Variants in DYRK1A observed in about 807,000 individuals in gnomAD.
DYRK1A encodes dual specificity tyrosine phosphorylation regulated kinase 1A.
DYRK1A carries 9 observed loss-of-function variants against 79.7 expected under a neutral mutation model. That is an observed-to-expected ratio of 0.11 (90% CI 0.07 to 0.20). The LOEUF (loss-of-function observed/expected upper bound fraction) is 0.20, where lower values mean the gene tolerates loss of function less well. Among genes scored for constraint, DYRK1A ranks in the 10% least tolerant of loss-of-function variants. The pLI, the probability that DYRK1A is intolerant of heterozygous loss-of-function variation, is 1.00. For missense variants in DYRK1A, 622 were observed against 956.0 expected, an observed-to-expected ratio of 0.65 and a Z score of 4.61; for synonymous variants, 349 against 329.7, an observed-to-expected ratio of 1.06 and a Z score of -0.63.
In DYRK1A at chr21:37,518,278, A is replaced by G. The variant is rs1411666040; in HGVS notation, c.*5747A>G. The G allele has an allele frequency of 1.3e-5, 2 of 152,236 alleles. No individual in the cohort carries two copies. The highest frequency in any genetic ancestry group is 1.3e-4 in the Admixed American group (2 of 15,284). 9.4% of individuals were successfully genotyped at this position (152,236 alleles called of 1,614,324 possible). A position where few individuals can be genotyped will look rare whatever the true frequency, so the allele number is the denominator to read the frequency against. On this transcript the variant is annotated 3_prime_UTR_variant, in exon 12 of 12. Transcript: ENST00000647188. ...CTTGTTCTGCTGAAGAGGTGATGCCACGAGGTGGGGAGGAGCTCACTTCAG... is the reference window on the plus strand; with the variant it reads ...CTTGTTCTGCTGAAGAGGTGATGCCGCGAGGTGGGGAGGAGCTCACTTCAG...
chr21:37,468,407 T>C (rs1054801516), intron 2 of DYRK1A, among the ~76,000 whole-genome samples: 6 of 152,186 alleles, frequency 3.9e-5, no homozygotes, highest in African/African-American at 1.2e-4. Flanking sequence ...GCGCCTGGCC[T>C]GCCAAAACAT....
intron 2 of DYRK1A, among the ~76,000 whole-genome samples, chr21:37,462,402 G>A (rs1459860660): frequency 6.6e-6 from 1 of 152,188 alleles, no homozygotes; most frequent in Admixed American, 6.5e-5. Flanking sequence ...TGTAGGGCTG[G>A]ATTAGCCCTA....
At chr21:37,458,360 A>C (rs959762514) in intron 2 of DYRK1A, among the ~76,000 whole-genome samples, 1 of 151,076 alleles carries the variant, frequency 6.6e-6, no homozygotes, top group South Asian at 2.1e-4. Flanking sequence ...GTATTTCACT[A>C]TCTTTTTGAT....
chr21:37,397,536 A>T (rs1204414896), intron 1 of DYRK1A, among the ~76,000 whole-genome samples: 1 of 152,120 alleles, frequency 6.6e-6, no homozygotes, highest in Non-Finnish European at 1.5e-5. Flanking sequence ...GTCACAAGGG[A>T]CATCTCTTTT....
At chr21:37,369,466 CCTGGT>C (rs2049386379) in intron 1 of DYRK1A, among the ~76,000 whole-genome samples, 1 of 152,104 alleles carries the variant, frequency 6.6e-6, no homozygotes, top group African/African-American at 2.4e-5. Context: ...GAGGATTTTC[CCTGGT>C]ATAGCAGTGG....
intron 4 of DYRK1A, among the ~76,000 whole-genome samples, chr21:37,480,212 A>G (rs2052587575): frequency 6.6e-6 from 1 of 152,168 alleles, no homozygotes; most frequent in African/African-American, 2.4e-5. Flanking sequence ...TATCCCAAAT[A>G]TAAAGTTGGG....
intron 2 of DYRK1A, among the ~76,000 whole-genome samples, chr21:37,439,407 C>G (rs570638820): frequency 4.6e-5 from 7 of 152,172 alleles, no homozygotes; most frequent in Admixed American, 3.9e-4. Context: ...GTTAGAGGAT[C>G]AAACAGTATG....
chr21:37,406,523 C>A (rs1056402988), intron 1 of DYRK1A, among the ~76,000 whole-genome samples: 1 of 151,936 alleles, frequency 6.6e-6, no homozygotes, highest in Non-Finnish European at 1.5e-5. Flanking sequence ...TGGTGAAACC[C>A]TTCTGTACTA....
At chr21:37,505,717 C>G in intron 10 of DYRK1A, 128 bp downstream of exon 10, 5 of 1,036,052 alleles carry the variant, frequency 4.8e-6, no homozygotes, top group Non-Finnish European at 6.8e-6. Context: ...TAAATCTGTT[C>G]TTTGTAGTTA....
In DYRK1A at chr21:37,519,059, T is replaced by TA. The variant is rs1300433787; in HGVS notation, c.*6529dup. ...TTGCCAGATGTAAGTATATAAAACT[T>TA]ACACAGTTTGTTCCTTTTTGTTGTC... On this transcript the variant is annotated 3_prime_UTR_variant, in exon 12 of 12. Transcript: ENST00000647188. 2 of 152,220 alleles carry TA rather than the reference T, an allele frequency of 1.3e-5. No homozygotes were observed. Among genetic ancestry groups the TA allele is most frequent in the African/African-American group, 2.4e-5 (1 of 41,466 alleles). The allele number at this position is 152,220 out of a possible 1,614,324, so 9.4% of individuals were successfully genotyped here.
At chr21:37,474,160 T>C (rs1242308572) in intron 3 of DYRK1A, among the ~76,000 whole-genome samples, 3 of 152,212 alleles carry the variant, frequency 2.0e-5, no homozygotes, top group African/African-American at 4.8e-5. Context: ...TCTTCTTAGA[T>C]ACAGTGCTCT....
intron 1 of DYRK1A, among the ~76,000 whole-genome samples, chr21:37,406,755 A>ATATACATC (rs1555956336): frequency 2.3e-5 from 1 of 44,342 alleles, no homozygotes; most frequent in East Asian, 5.0e-4. Context: ...ATCTCTATAT[A>ATATACATC]TCTATATATG....
intron 1 of DYRK1A, among the ~76,000 whole-genome samples, chr21:37,370,118 A>G (rs1425488770): frequency 6.6e-6 from 1 of 152,154 alleles, no homozygotes; most frequent in South Asian, 2.1e-4. Flanking sequence ...TAACTGCAAC[A>G]ATGTATTTAG....
intron 4 of DYRK1A, among the ~76,000 whole-genome samples, chr21:37,479,599 TG>T (rs1485476109): frequency 0.059 from 4,563 of 76,960 alleles, 340 homozygotes; most frequent in African/African-American, 0.27. Context: ...GTTTTGTTTT[TG>T]TTTTTGTTTT....
At chr21:37,430,483 C>T (rs1452382394) in intron 2 of DYRK1A, 1 of 883,458 alleles carries the variant, frequency 1.1e-6, no homozygotes, top group Admixed American at 6.2e-5. Flanking sequence ...CACCTTTGTT[C>T]CATGCACCGC....
intron 2 of DYRK1A, among the ~76,000 whole-genome samples, chr21:37,451,579 G>C (rs967387384): frequency 6.7e-6 from 1 of 149,952 alleles, no homozygotes; most frequent in Non-Finnish European, 1.5e-5. Flanking sequence ...TAGCGTGGGC[G>C]TGCAGTAGGC....
intron 4 of DYRK1A, among the ~76,000 whole-genome samples, chr21:37,478,694 A>T (rs1420381640): frequency 6.6e-6 from 1 of 152,162 alleles, no homozygotes; most frequent in African/African-American, 2.4e-5. Context: ...TGCTTTTGCC[A>T]TGGGTGTCAG....
chr21:37,414,745 G>A (rs1030811462), intron 1 of DYRK1A, among the ~76,000 whole-genome samples: 1 of 152,138 alleles, frequency 6.6e-6, no homozygotes, highest in African/African-American at 2.4e-5. Context: ...GTGGGAGTTA[G>A]GTTCCCGAAA....
Position 37,519,743 on chromosome 21 carries a change from T to TGTTTTGTTTTG in DYRK1A, c.*7212_*7213insGTTTTGTTTTG, listed in dbSNP as rs1555999062. ...TGAGGTTTGTTGTGGGAAGTTTTTT[T>TGTTTTGTTTTG]TTTTTTTTTTTTTTTTGAGGCGGAG... is the stretch of plus-strand genomic sequence containing the variant. On this transcript the variant is annotated 3_prime_UTR_variant, in exon 12 of 12. Transcript: ENST00000647188. 1.4e-5 allele frequency: 1 copy of TGTTTTGTTTTG among 73,346 alleles called. No individual in the cohort carries two copies. The highest frequency in any genetic ancestry group is 1.2e-4 in the Admixed American group (1 of 8,304). The allele number at this position is 73,346 out of a possible 1,614,324, so 4.5% of individuals were successfully genotyped here.
Sources: allele counts gnomAD v4.1 joint callset (sites outside exome capture counted in the v4.1 genomes callset), GRCh38; gene constraint gnomAD v4.1.1; transcripts MANE v1.5; gene names NCBI Gene and HGNC (gene_info 2026-07-23, HGNC 2026-07-21).